The following ROBO1 variants were observed in gnomAD, a reference collection of about 807,000 sequenced individuals.
ROBO1 encodes the protein roundabout homolog 1.
In ROBO1, 149 loss-of-function variants were observed where a neutral mutation model predicts 195.9. The observed-to-expected ratio is 0.76, with a 90% CI of 0.67 to 0.87. The LOEUF (loss-of-function observed/expected upper bound fraction) is 0.87, where lower values mean the gene tolerates loss of function less well. Ranked by LOEUF, ROBO1 falls within the 40% of genes least tolerant of loss-of-function variation. The pLI, the probability that ROBO1 is intolerant of heterozygous loss-of-function variation, is 0.00. For synonymous variants in ROBO1, 816 were observed against 733.2 expected (o/e 1.11, Z -1.82); for missense variants, 1,933 against 2,068.3 (o/e 0.93, Z 1.27).
chr3:78,787,171 G>A (rs2083861255), intron 4 of ROBO1, among the ~76,000 whole-genome samples: 3 of 152,122 alleles, frequency 2.0e-5, no homozygotes, highest in African/African-American at 7.2e-5. Context: ...CATAGCCAAG[G>A]AACCATACTT....
intron 2 of ROBO1, among the ~76,000 whole-genome samples, chr3:79,532,835 C>T (rs1941713639): frequency 6.6e-6 from 1 of 152,130 alleles, no homozygotes; most frequent in Non-Finnish European, 1.5e-5. Context: ...CCTAGTTTTC[C>T]CTGACTCCAG....
At chr3:79,398,782 G>T (rs1282075254) in intron 2 of ROBO1, among the ~76,000 whole-genome samples, 1 of 151,978 alleles carries the variant, frequency 6.6e-6, no homozygotes, top group East Asian at 1.9e-4. Context: ...AACCCTAAAA[G>T]TACTGATTCT....
chr3:78,976,711 T>C (rs2076891616), intron 3 of ROBO1, among the ~76,000 whole-genome samples: 1 of 152,206 alleles, frequency 6.6e-6, no homozygotes. Flanking sequence ...TATATACAGC[T>C]ATTCCTTTTT....
At chr3:79,546,616 C>G (rs769904550) in intron 2 of ROBO1, among the ~76,000 whole-genome samples, 12 of 152,176 alleles carry the variant, frequency 7.9e-5, no homozygotes, top group African/African-American at 2.9e-4. Flanking sequence ...CTGACCATGG[C>G]AACTTCTCTT....
chr3:79,310,038 T>C (rs1197813826), intron 2 of ROBO1, among the ~76,000 whole-genome samples: 2 of 152,142 alleles, frequency 1.3e-5, no homozygotes, highest in Non-Finnish European at 2.9e-5. Context: ...GCATCCACAA[T>C]CTAATATGGG....
rs116106938 is a variant in ROBO1 at position 79,046,332 on chromosome 3, T to G, written c.172+79124A>C. Among the ~76,000 whole-genome samples, 555 of 152,172 alleles carry G rather than the reference T, an allele frequency of 3.6e-3. 7 individuals carry two copies. Among genetic ancestry groups the G allele is most frequent in the African/African-American group, 0.012 (518 of 41,520 alleles). On this transcript the variant is annotated intron_variant, in intron 3 of 30. Transcript: ENST00000464233. Reference sequence around the variant, plus strand: ...AAAAGGGTCATCCCTCAGTCAAGTCTTAAGATGACTTCAGCCCCAGCCAAC... The same window carrying G: ...AAAAGGGTCATCCCTCAGTCAAGTCGTAAGATGACTTCAGCCCCAGCCAAC...
chr3:79,646,410 C>T (rs1213010662), intron 1 of ROBO1, among the ~76,000 whole-genome samples: 2 of 152,076 alleles, frequency 1.3e-5, no homozygotes, highest in East Asian at 3.9e-4. Flanking sequence ...CAGGGAACAA[C>T]AAATACTAAC....
At chr3:78,781,664 C>T (rs2083681267) in intron 4 of ROBO1, among the ~76,000 whole-genome samples, 1 of 151,922 alleles carries the variant, frequency 6.6e-6, no homozygotes, top group Non-Finnish European at 1.5e-5. Flanking sequence ...TTCCAATATA[C>T]AGATAAGGTT....
intron 1 of ROBO1, among the ~76,000 whole-genome samples, chr3:79,757,601 C>A (rs925762113): frequency 6.6e-6 from 1 of 151,848 alleles, no homozygotes; most frequent in African/African-American, 2.4e-5. Flanking sequence ...ATCACTTGAG[C>A]CCCGGAGTTC....
chr3:78,709,894 A>T (rs974634744), intron 8 of ROBO1, among the ~76,000 whole-genome samples: 1 of 152,204 alleles, frequency 6.6e-6, no homozygotes, highest in Non-Finnish European at 1.5e-5. Context: ...TTCCATTTCA[A>T]TAACACTCCA....
chr3:78,751,633 T>C (rs1214839273), intron 4 of ROBO1, among the ~76,000 whole-genome samples: 1 of 152,284 alleles, frequency 6.6e-6, no homozygotes, highest in Non-Finnish European at 1.5e-5. Flanking sequence ...GTAACATAAG[T>C]GAGAAATTTC....
intron 3 of ROBO1, among the ~76,000 whole-genome samples, chr3:79,118,012 C>A (rs1173372062): frequency 6.6e-6 from 1 of 152,124 alleles, no homozygotes; most frequent in Non-Finnish European, 1.5e-5. Flanking sequence ...TGCCATAGGG[C>A]CACAACAGTA....
At chr3:79,122,969 G>A (rs1360555600) in intron 3 of ROBO1, among the ~76,000 whole-genome samples, 1 of 151,852 alleles carries the variant, frequency 6.6e-6, no homozygotes, top group East Asian at 1.9e-4. Flanking sequence ...TATAAAATCT[G>A]CACAGTCCAT....
intron 4 of ROBO1, among the ~76,000 whole-genome samples, chr3:78,913,236 T>C (rs560649622): frequency 7.9e-5 from 12 of 152,192 alleles, no homozygotes; most frequent in African/African-American, 2.6e-4. Flanking sequence ...ACCAATAGTA[T>C]GTAGAATATG....
At chr3:79,710,859 G>T (rs2107226117) in intron 1 of ROBO1, among the ~76,000 whole-genome samples, 1 of 152,208 alleles carries the variant, frequency 6.6e-6, no homozygotes, top group African/African-American at 2.4e-5. Flanking sequence ...AAGTTAGTTT[G>T]AATATCATCT....
intron 2 of ROBO1, among the ~76,000 whole-genome samples, chr3:79,319,662 C>A (rs1300944781): frequency 6.6e-6 from 1 of 151,948 alleles, no homozygotes; most frequent in Non-Finnish European, 1.5e-5. Flanking sequence ...GGTGTTTTTT[C>A]ATATGAAAAT....
chr3:79,387,373 T>C (rs1019667695), intron 2 of ROBO1, among the ~76,000 whole-genome samples: 2 of 151,420 alleles, frequency 1.3e-5, no homozygotes, highest in Non-Finnish European at 2.9e-5. Context: ...TTTAAAAGAT[T>C]GTGTAAAGAT....
chr3:79,589,704 GACTT>G (rs1943935733), intron 2 of ROBO1, 116 bp downstream of exon 2: 7 of 772,878 alleles, frequency 9.1e-6, no homozygotes, highest in Middle Eastern at 4.9e-4. Context: ...CATTCACACA[GACTT>G]ACAAGTTCCA....
chr3:79,587,483 T>G (rs1214999983), intron 2 of ROBO1, among the ~76,000 whole-genome samples: 1 of 151,792 alleles, frequency 6.6e-6, no homozygotes, highest in African/African-American at 2.4e-5. Flanking sequence ...ATTCTCCTTA[T>G]TTTTTTAGAA....
Sources: allele counts gnomAD v4.1 joint callset (sites outside exome capture counted in the v4.1 genomes callset), GRCh38; gene constraint gnomAD v4.1.1; transcripts MANE v1.5; gene names NCBI Gene and HGNC (gene_info 2026-07-23, HGNC 2026-07-21).